The following FRMD5 variants were observed in gnomAD, a reference collection of about 807,000 sequenced individuals.
The protein encoded by FRMD5 is FERM domain containing 5.
Under a neutral mutation model 69.0 loss-of-function variants are expected in FRMD5, and 20 were observed. The ratio of observed to expected loss-of-function variants is 0.29; its 90% CI spans 0.20 to 0.42. The LOEUF is 0.42. Among genes scored for constraint, FRMD5 ranks in the 10% least tolerant of loss-of-function variants. The pLI is 1.00. For missense variants in FRMD5, 595 were observed against 708.6 expected (o/e 0.84, Z 1.82); for synonymous variants, 271 against 260.1 (o/e 1.04, Z -0.40).
intron 1 of FRMD5, among the ~76,000 whole-genome samples, chr15:44,127,186 A>C (rs557590915): frequency 5.9e-5 from 9 of 152,290 alleles, no homozygotes; most frequent in Admixed American, 5.9e-4. Context: ...AGGCTCAAGG[A>C]AGTTCACGCA....
At chr15:44,051,019 T>C (rs1340856253) in intron 1 of FRMD5, among the ~76,000 whole-genome samples, 1 of 151,452 alleles carries the variant, frequency 6.6e-6, no homozygotes, top group East Asian at 1.9e-4. Flanking sequence ...GGGCAATACA[T>C]AAACCTACAA....
At chr15:44,083,147 T>C (rs548278112) in intron 1 of FRMD5, among the ~76,000 whole-genome samples, 12 of 152,108 alleles carry the variant, frequency 7.9e-5, no homozygotes, top group African/African-American at 2.9e-4. Context: ...CATATATAAA[T>C]ATCACAGGAT....
chr15:43,987,493 T>C (rs964270775), intron 1 of FRMD5, among the ~76,000 whole-genome samples: 4 of 152,188 alleles, frequency 2.6e-5, no homozygotes, highest in African/African-American at 9.7e-5. Flanking sequence ...ACGGACCAGG[T>C]TGCAGGGGGT....
intron 1 of FRMD5, among the ~76,000 whole-genome samples, chr15:44,124,412 A>C (rs2076997365): frequency 6.6e-6 from 1 of 151,874 alleles, no homozygotes; most frequent in Admixed American, 6.6e-5. Context: ...AGAAAAATAA[A>C]GATGTTCTTG....
At chr15:44,126,318 T>C (rs898155943) in intron 1 of FRMD5, among the ~76,000 whole-genome samples, 1 of 152,228 alleles carries the variant, frequency 6.6e-6, no homozygotes, top group Non-Finnish European at 1.5e-5. Context: ...GGTGCTACTT[T>C]CCATAGATTT....
intron 1 of FRMD5, among the ~76,000 whole-genome samples, chr15:44,107,395 A>C (rs2076735351): frequency 6.6e-6 from 1 of 152,186 alleles, no homozygotes; most frequent in Admixed American, 6.6e-5. Context: ...TCTGAACGAA[A>C]CCTTAAGTAA....
At chr15:44,085,847 A>C (rs1298846413) in intron 1 of FRMD5, among the ~76,000 whole-genome samples, 1 of 152,206 alleles carries the variant, frequency 6.6e-6, no homozygotes, top group Non-Finnish European at 1.5e-5. Context: ...TATCTCAATT[A>C]TGACAACCCC....
At chr15:43,975,163 G>T (rs1249108888) in intron 1 of FRMD5, among the ~76,000 whole-genome samples, 1 of 152,190 alleles carries the variant, frequency 6.6e-6, no homozygotes, top group Non-Finnish European at 1.5e-5. Flanking sequence ...CTCATGCTTT[G>T]CTCTCAAATC....
At chr15:43,942,933 T>A (rs1296783402) in intron 1 of FRMD5, among the ~76,000 whole-genome samples, 1 of 152,168 alleles carries the variant, frequency 6.6e-6, no homozygotes, top group East Asian at 1.9e-4. Flanking sequence ...CTAATTATTG[T>A]ATTTTTTGTA....
At position 43,873,260 on chromosome 15, in the gene FRMD5, C is replaced by T. The variant is rs1368062807; in HGVS notation, c.*625G>A. 6.5e-7 allele frequency: 1 copy of T among 1,544,962 alleles called. No homozygotes were observed. The stretch of plus-strand genomic sequence containing the variant: ...GAAAAAACAAAAGGAAAAGAAAATC[C>T]AACTCAGACCATCATAAGAAGCAAC... On this transcript the variant is annotated 3_prime_UTR_variant, in exon 14 of 14. Transcript: ENST00000417257.
At chr15:44,068,100 C>T (rs1229756368) in intron 1 of FRMD5, among the ~76,000 whole-genome samples, 2 of 152,100 alleles carry the variant, frequency 1.3e-5, no homozygotes, top group Non-Finnish European at 2.9e-5. Context: ...ACAAGTGTTG[C>T]TAAGAGTGCA....
At chr15:44,092,921 C>G (rs2076493424) in intron 1 of FRMD5, among the ~76,000 whole-genome samples, 1 of 140,400 alleles carries the variant, frequency 7.1e-6, no homozygotes, top group South Asian at 2.2e-4. Flanking sequence ...TTGTTCTATC[C>G]TCTGCCTTTT....
At chr15:44,118,293 G>T (rs1566955100) in intron 1 of FRMD5, among the ~76,000 whole-genome samples, 2 of 152,030 alleles carry the variant, frequency 1.3e-5, no homozygotes, top group Admixed American at 6.6e-5. Context: ...ATATTGTATT[G>T]TACAAGGACA....
intron 1 of FRMD5, among the ~76,000 whole-genome samples, chr15:44,161,563 A>G (rs547673112): frequency 2.6e-5 from 4 of 152,350 alleles, no homozygotes; most frequent in South Asian, 2.1e-4. Flanking sequence ...ATAAAATACA[A>G]TAATTTGACA....
At chr15:43,904,837 A>C (rs1244755192) in intron 6 of FRMD5, among the ~76,000 whole-genome samples, 1 of 152,188 alleles carries the variant, frequency 6.6e-6, no homozygotes, top group African/African-American at 2.4e-5. Flanking sequence ...ATGCTGTTTT[A>C]TGGTATTCAG....
intron 1 of FRMD5, among the ~76,000 whole-genome samples, chr15:44,018,724 T>C (rs150931963): frequency 1.2e-4 from 19 of 152,294 alleles, no homozygotes; most frequent in African/African-American, 1.7e-4. Flanking sequence ...CTTTATCATC[T>C]GGTCAAATAG....
intron 5 of FRMD5, 44 bp downstream of exon 5, chr15:43,909,838 G>T: frequency 8.7e-7 from 1 of 1,149,672 alleles, no homozygotes; most frequent in Non-Finnish European, 1.3e-6. Context: ...AATGTAATCA[G>T]TACTTGGCAT....
chr15:43,879,823 C>T (rs931615390), intron 13 of FRMD5: 18 of 395,618 alleles, frequency 4.5e-5, no homozygotes, highest in African/African-American at 3.3e-4. Context: ...AGCCCCTTGG[C>T]AGTGCCTCGC....
rs544275657 is a variant in FRMD5 at position 43,969,419 on chromosome 15, C to T, written c.103-45110G>A. ...TCTTCAATCATTGAGAATTTTACAG[C>T]CATGCACATTCATTCATTCATTCGG... On this transcript the variant is annotated intron_variant, in intron 1 of 13. Coordinates refer to ENST00000417257, the MANE Select transcript of FRMD5 (RefSeq NM_032892.5). Among the ~76,000 whole-genome samples, 4 of 152,238 alleles carry T rather than the reference C, an allele frequency of 2.6e-5. No homozygotes were observed. The South Asian group carries it at 6.2e-4, about 24-fold the overall frequency.
Sources: gnomAD v4.1 joint callset for allele counts (sites outside exome capture counted in the v4.1 genomes callset) on GRCh38, gnomAD v4.1.1 for gene constraint, MANE v1.5 for transcripts, NCBI Gene and HGNC (gene_info 2026-07-23, HGNC 2026-07-21) for gene names.